ADAR: variants seen among roughly 807,000 people sequenced by gnomAD.
The protein encoded by ADAR is double-stranded RNA-specific adenosine deaminase.
In ADAR, 41 loss-of-function variants were observed where a neutral mutation model predicts 113.2. The ratio of observed to expected loss-of-function variants is 0.36; its 90% confidence interval spans 0.28 to 0.47. The LOEUF (loss-of-function observed/expected upper bound fraction) is 0.47, where lower values mean the gene tolerates loss of function less well. ADAR is among the 20% of genes least tolerant of loss of function. The pLI, the probability that ADAR is intolerant of heterozygous loss-of-function variation, is 1.00. For synonymous variants in ADAR, 605 were observed against 572.6 expected (o/e 1.06, Z -0.81); for missense variants, 1,242 against 1,540.9 (o/e 0.81, Z 3.25).
intron 1 of ADAR, among the ~76,000 whole-genome samples, chr1:154,603,793 C>T (rs1698029165): frequency 6.6e-6 from 1 of 152,160 alleles, no homozygotes; most frequent in African/African-American, 2.4e-5. Context: ...ACAACATTTA[C>T]TCACACTCAC....
chr1:154,595,909 C>G (rs542890543), intron 6 of ADAR, among the ~76,000 whole-genome samples: 1 of 152,232 alleles, frequency 6.6e-6, no homozygotes, highest in Admixed American at 6.5e-5. Context: ...ATCCTTTATG[C>G]TGTCTTTTTA....
upstream of ADAR, among the ~76,000 whole-genome samples, chr1:154,611,402 C>T (rs145464061): frequency 6.6e-6 from 1 of 152,116 alleles, no homozygotes; most frequent in African/African-American, 2.4e-5. Context: ...TATTCATAAA[C>T]GTTTCATCTC....
rs192926820 is a variant in ADAR at position 154,598,317 on chromosome 1, T to G, written c.1785+85A>C. 7 of 1,449,460 alleles carry G rather than the reference T, an allele frequency of 4.8e-6. No homozygotes were observed. In the Admixed American group the frequency reaches 1.0e-4, roughly 21 times the overall value. The allele number at this position is 1,449,460 out of a possible 1,614,324, so 89.8% of individuals were successfully genotyped here. A position where few individuals can be genotyped will look rare whatever the true frequency, so the allele number is the denominator to read the frequency against. The stretch of plus-strand genomic sequence containing the variant: ...TGACTCCGAGATGGTGTCAGTTGTT[T>G]AGGCTGGGATTGCCTCAAGGGAGTC... On this transcript the variant is annotated intron_variant, in intron 3 of 14. Transcript: ENST00000368474.
chr1:154,602,037 T>C lies in ADAR; in HGVS notation c.605A>G (p.Gln202Arg). ...CACTCCGCTGTGCTGGTTCCAAGCC[T>C]GAGTGGAGACCGCGATTTTCCACAA... is the stretch of plus-strand genomic sequence containing the variant. ...PPLWKIAVST[Q>R]AWNQHSGVVR... is the part of the protein sequence containing the mutation. Residue 202 changes from glutamine (Q) to arginine (R), a missense_variant, in exon 2 of 15, where the codon CAG (glutamine) becomes CGG (arginine). Transcript: ENST00000368474. 3 of 1,614,272 alleles carry C rather than the reference T, an allele frequency of 1.9e-6. No homozygotes were observed. The highest frequency in any genetic ancestry group is 2.5e-6 in the Non-Finnish European group (3 of 1,180,048).
At chr1:154,620,405 C>CAA (rs368579988) in intron 1 of ADAR, among the ~76,000 whole-genome samples, 2 of 133,580 alleles carry the variant, frequency 1.5e-5, no homozygotes, top group Non-Finnish European at 1.6e-5. Context: ...GGCTCCGTCT[C>CAA]AAAAAAAAAA....
intron 1 of ADAR, among the ~76,000 whole-genome samples, chr1:154,607,517 G>T (rs1221565035): frequency 7.2e-6 from 1 of 139,624 alleles, no homozygotes; most frequent in Non-Finnish European, 1.6e-5. Flanking sequence ...GTTCAAGTGG[G>T]GCTAAAGCGG....
In ADAR at chr1:154,588,563, T is replaced by C. The variant is rs769300917; in HGVS notation, c.2873A>G (p.His958Arg). 4 of 1,614,066 alleles carry C rather than the reference T, an allele frequency of 2.5e-6. No homozygotes were observed. Among genetic ancestry groups the C allele is most frequent in the Non-Finnish European group, 2.5e-6 (3 of 1,180,020 alleles). ...GAACTGTACAGACCTGATATACAGA[T>C]GGAATGACACAGTCTTTTTTATTTG... ...KLQIKKTVSF[H>R]LYISTAPCGD... Residue 958 changes from histidine to arginine, a missense_variant, in exon 10 of 15, where the codon CAT becomes CGT. His to Arg is a conservative substitution (Grantham distance 29). This residue lies in a region of ADAR where 780 missense variants were observed against 1,057.9 expected (regional missense o/e 0.74). Transcript: ENST00000368474.
At chr1:154,600,987 G>A (rs1697833304) in intron 2 of ADAR, 54 bp downstream of exon 2, 1 of 1,611,586 alleles carries the variant, frequency 6.2e-7, no homozygotes. Flanking sequence ...GACTGCGTCA[G>A]GAGCAAAAGC....
At chr1:154,602,685 G>A (rs1697966906) in intron 1 of ADAR, 59 bp from the exon 2 acceptor site, 2 of 1,596,188 alleles carry the variant, frequency 1.3e-6, no homozygotes, top group Non-Finnish European at 1.7e-6. Context: ...TGAACCTGTG[G>A]AGGCCCCTCC....
chr1:154,589,700 G>T, intron 8 of ADAR, 57 bp downstream of exon 8: 1 of 1,604,608 alleles, frequency 6.2e-7, no homozygotes, highest in South Asian at 1.1e-5. Flanking sequence ...AGGGGAGGAT[G>T]AGAGGCACCC....
At chr1:154,588,485 C>A in intron 10 of ADAR, 66 bp downstream of exon 10, 1 of 1,602,756 alleles carries the variant, frequency 6.2e-7, no homozygotes, top group Non-Finnish European at 8.5e-7. Flanking sequence ...GCCAGGAGAG[C>A]ATTTGGATAC....
chr1:154,620,772 T>G (rs994859521), intron 1 of ADAR, among the ~76,000 whole-genome samples: 13 of 152,250 alleles, frequency 8.5e-5, no homozygotes, highest in African/African-American at 3.1e-4. Context: ...AATGAAAATG[T>G]TTTATTTCTT....
At chr1:154,607,066 TTC>T (rs1229119335) in intron 1 of ADAR, among the ~76,000 whole-genome samples, 2 of 152,130 alleles carry the variant, frequency 1.3e-5, no homozygotes, top group Non-Finnish European at 2.9e-5. Context: ...TATAGAACAT[TTC>T]TATTTCCCTA....
rs2101644470 is a variant in ADAR at position 154,602,318 on chromosome 1, G to A, written c.324C>T (p.Phe108=). Residue 108 remains phenylalanine, a synonymous_variant, in exon 2 of 15, where the codon TTC becomes TTT. Transcript: ENST00000368474. ...HLRSQGLQRG[F]QHPSPRGRSL... ...TCCTGCCACGTGGTGAAGGATGCTG[G>A]AACCCTCTCTGGAGCCCCTGACTTC... 1.2e-6 allele frequency: 2 copies of A among 1,613,240 alleles called. No individual in the cohort carries two copies. The highest frequency in any genetic ancestry group is 2.2e-5 in the East Asian group (1 of 44,874).
chr1:154,585,145 T>C, intron 14 of ADAR, 72 bp downstream of exon 14: 1 of 1,613,778 alleles, frequency 6.2e-7, no homozygotes, highest in Non-Finnish European at 8.5e-7. Flanking sequence ...GCCCTGAGAC[T>C]GCAGAGGTAT....
intron 1 of ADAR, among the ~76,000 whole-genome samples, chr1:154,619,480 A>G (rs1397386491): frequency 6.6e-6 from 1 of 152,222 alleles, no homozygotes; most frequent in Non-Finnish European, 1.5e-5. Context: ...CACTGCCTGA[A>G]AGACCAAAAT....
chr1:154,612,453 G>C (rs529826060), upstream of ADAR, among the ~76,000 whole-genome samples: 4 of 144,760 alleles, frequency 2.8e-5, no homozygotes, highest in East Asian at 6.8e-4. Flanking sequence ...TCAGCCTCCC[G>C]AGTGGCTGGG....
chr1:154,584,694 A>C lies in ADAR; in HGVS notation c.*112T>G. ...CAGTATCACCAATTATGGCTTAAAA[A>C]GAAAAAAAAAGGAGAAAAAAAAATC... is the stretch of plus-strand genomic sequence containing the variant. On this transcript the variant is annotated 3_prime_UTR_variant, in exon 15 of 15. Transcript: ENST00000368474. The C allele has an allele frequency of 1.0e-6, 1 of 997,738 alleles. No individual in the cohort carries two copies. Among genetic ancestry groups the C allele is most frequent in the South Asian group, 1.5e-5 (1 of 66,954 alleles). The allele number at this position is 997,738 out of a possible 1,614,324, so 61.8% of individuals were successfully genotyped here. A position where few individuals can be genotyped will look rare whatever the true frequency, so the allele number is the denominator to read the frequency against.
rs1191252977 is a variant in ADAR at position 154,582,612 on chromosome 1, G to C, written c.*2194C>G. 6.5e-6 allele frequency: 1 copy of C among 152,756 alleles called. No homozygotes were observed. The highest frequency in any genetic ancestry group is 2.4e-5 in the African/African-American group (1 of 41,470). The allele number at this position is 152,756 out of a possible 1,614,324, so 9.5% of individuals were successfully genotyped here. A position where few individuals can be genotyped will look rare whatever the true frequency, so the allele number is the denominator to read the frequency against. ...TTGCTAGATAAGATCTTGGGGGTGA[G>C]TGGGGGTTCTGATCTTGTGAGAGCC... is the stretch of plus-strand genomic sequence containing the variant. On this transcript the variant is annotated 3_prime_UTR_variant, in exon 15 of 15. Transcript: ENST00000368474.
Sources: gnomAD v4.1 joint callset for allele counts (sites outside exome capture counted in the v4.1 genomes callset) on GRCh38, gnomAD v4.1.1 for gene constraint, gnomAD v4.1.1 regional missense constraint, MANE v1.5 for transcripts, NCBI Gene and HGNC (gene_info 2026-07-23, HGNC 2026-07-21) for gene names.